Variants in PIK3C3 observed in about 807,000 individuals in gnomAD.
PIK3C3 encodes PI3-kinase type 3.
PIK3C3 carries 95 observed loss-of-function variants against 126.1 expected under a neutral mutation model. The observed-to-expected ratio is 0.75, with a 90% confidence interval of 0.64 to 0.89. PIK3C3 has a LOEUF of 0.89. PIK3C3 is among the 40% of genes least tolerant of loss of function. The pLI, the probability that PIK3C3 is intolerant of heterozygous loss-of-function variation, is 0.00. For missense variants in PIK3C3, 829 were observed against 1,063.2 expected, an observed-to-expected ratio of 0.78 and a Z score of 3.06; for synonymous variants, 374 against 360.0, an observed-to-expected ratio of 1.04 and a Z score of -0.44.
intron 4 of PIK3C3, among the ~76,000 whole-genome samples, chr18:41,973,383 A>G (rs1980762557): frequency 6.6e-6 from 1 of 152,112 alleles, no homozygotes; most frequent in Non-Finnish European, 1.5e-5. Context: ...CTTGCCTTAT[A>G]CTTGAGAAAA....
At chr18:42,008,830 G>A (rs1156920386) in intron 10 of PIK3C3, among the ~76,000 whole-genome samples, 2 of 152,104 alleles carry the variant, frequency 1.3e-5, no homozygotes. Flanking sequence ...ATGAAGGAAA[G>A]TATAGTTTGA....
intron 24 of PIK3C3, among the ~76,000 whole-genome samples, chr18:42,074,673 GTGTTT>G (rs1985908255): frequency 6.6e-6 from 1 of 151,988 alleles, no homozygotes; most frequent in Non-Finnish European, 1.5e-5. Flanking sequence ...TTTTATATGT[GTGTTT>G]TGTTTTTATA....
intron 3 of PIK3C3, among the ~76,000 whole-genome samples, chr18:41,969,190 A>G (rs1022500098): frequency 1.3e-5 from 2 of 152,054 alleles, no homozygotes; most frequent in Non-Finnish European, 2.9e-5. Flanking sequence ...CTGTCCATCT[A>G]CACACACTTC....
At chr18:42,002,860 A>T (rs1016409994) in intron 9 of PIK3C3, among the ~76,000 whole-genome samples, 2 of 152,174 alleles carry the variant, frequency 1.3e-5, no homozygotes, top group Admixed American at 6.6e-5. Context: ...AATATAGGAG[A>T]TATTGCTAGG....
rs1240737451 is a variant in PIK3C3 at position 41,990,556 on chromosome 18, T to C, written c.714+2T>C. 6.6e-7 allele frequency: 1 copy of C among 1,505,724 alleles called. No individual in the cohort carries two copies. Among genetic ancestry groups the C allele is most frequent in the Non-Finnish European group, 9.2e-7 (1 of 1,083,534 alleles). 93.3% of individuals were successfully genotyped at this position (1,505,724 alleles called of 1,614,324 possible). The stretch of plus-strand genomic sequence containing the variant: ...TATGGTATTGTTTATTATGAAAAGG[T>C]ATTTCCCTTGGAACTGTTTTTGGTC... On this transcript the variant is annotated splice_donor_variant, in intron 6 of 24. Coordinates refer to ENST00000262039, the MANE Select transcript of PIK3C3 (RefSeq NM_002647.4). LOFTEE classifies it high-confidence loss of function.
chr18:42,045,626 T>G (rs1984526802), intron 20 of PIK3C3, among the ~76,000 whole-genome samples: 1 of 152,204 alleles, frequency 6.6e-6, no homozygotes, highest in Non-Finnish European at 1.5e-5. Context: ...GGGAAGCTGG[T>G]ACTATATCAG....
intron 6 of PIK3C3, among the ~76,000 whole-genome samples, chr18:41,991,636 A>C (rs1981783772): frequency 6.6e-6 from 1 of 152,162 alleles, no homozygotes; most frequent in African/African-American, 2.4e-5. Flanking sequence ...TACTTTTATA[A>C]ATTACTATTT....
At chr18:42,071,737 T>G (rs1282077803) in intron 24 of PIK3C3, among the ~76,000 whole-genome samples, 1 of 151,378 alleles carries the variant, frequency 6.6e-6, no homozygotes, top group Non-Finnish European at 1.5e-5. Context: ...AAAAAAAAAT[T>G]AATAAAATAA....
chr18:42,071,220 A>G (rs1985758390), intron 24 of PIK3C3, among the ~76,000 whole-genome samples: 1 of 152,232 alleles, frequency 6.6e-6, no homozygotes. Flanking sequence ...TGCAGCATGA[A>G]TATGTAGATG....
intron 10 of PIK3C3, among the ~76,000 whole-genome samples, chr18:42,009,335 T>C (rs1982693540): frequency 6.6e-6 from 1 of 152,206 alleles, no homozygotes; most frequent in South Asian, 2.1e-4. Context: ...AAGTCATATG[T>C]ATTACTCTTT....
At chr18:41,997,864 G>T (rs991012849) in intron 9 of PIK3C3, among the ~76,000 whole-genome samples, 1 of 152,096 alleles carries the variant, frequency 6.6e-6, no homozygotes, top group African/African-American at 2.4e-5. Context: ...GAATTATAGA[G>T]AAAACATTTT....
chr18:41,981,708 C>G (rs987902203), intron 4 of PIK3C3, among the ~76,000 whole-genome samples: 2 of 151,836 alleles, frequency 1.3e-5, no homozygotes, highest in Non-Finnish European at 1.5e-5. Flanking sequence ...ACCTGTAATC[C>G]CAGTACTTTG....
Position 42,010,229 on chromosome 18 carries a change from C to T in PIK3C3, c.1171-3213C>T, listed in dbSNP as rs568696618. Among the ~76,000 whole-genome samples, 11 of 152,290 alleles carry T rather than the reference C, an allele frequency of 7.2e-5. No individual in the cohort carries two copies. In the South Asian group the frequency reaches 1.9e-3, roughly 26 times the overall value. ...TCTCAAGAAACTACTCTTTGCTGCT[C>T]ATCCATAAGAAGCAACTCTTCATCT... On this transcript the variant is annotated intron_variant, in intron 10 of 24. Coordinates refer to ENST00000262039, the MANE Select transcript of PIK3C3 (RefSeq NM_002647.4).
chr18:42,046,205 T>A lies in PIK3C3; in HGVS notation c.2188+2388T>A, dbSNP rs1387344903. On this transcript the variant is annotated intron_variant, in intron 20 of 24. Transcript: ENST00000262039. ...CATTCCTCTGTAAGTGATTTAATGG[T>A]AGGCCTTCTCTTCATCTAGAAGAGC... 2.0e-5 allele frequency among the ~76,000 whole-genome samples: 3 copies of A among 152,354 alleles called. No homozygotes were observed. In the East Asian group the frequency reaches 5.8e-4, roughly 29 times the overall value.
intron 22 of PIK3C3, among the ~76,000 whole-genome samples, chr18:42,059,259 A>G (rs1021500646): frequency 1.3e-5 from 2 of 152,232 alleles, no homozygotes; most frequent in Non-Finnish European, 2.9e-5. Flanking sequence ...ACAAATGGCC[A>G]TGATATTTAT....
rs58697677 is a variant in PIK3C3 at position 42,084,585 on chromosome 18, C to CAAAAAAAAAAAA, written c.*3458_*3469dup. 8 of 96,706 alleles carry CAAAAAAAAAAAA rather than the reference C, an allele frequency of 8.3e-5. No individual in the cohort carries two copies. The highest frequency in any genetic ancestry group is 2.2e-4 in the Admixed American group (2 of 8,952). 6.0% of individuals were successfully genotyped at this position (96,706 alleles called of 1,614,324 possible). Reference sequence around the variant, plus strand: ...TAGTATAGAGTAGCTAAAAACAAACCAAAAAAAAAAAAAAAAAAAAAGGAA... The same window carrying CAAAAAAAAAAAA: ...TAGTATAGAGTAGCTAAAAACAAACCAAAAAAAAAAAAAAAAAAAAAAAAAAAAAAAAAGGAA... On this transcript the variant is annotated 3_prime_UTR_variant, in exon 25 of 25. Coordinates refer to ENST00000262039, the MANE Select transcript of PIK3C3 (RefSeq NM_002647.4).
intron 19 of PIK3C3, 131 bp from the exon 20 acceptor site, chr18:42,043,602 G>T (rs1984424694): frequency 5.4e-6 from 3 of 556,670 alleles, no homozygotes; most frequent in Non-Finnish European, 9.7e-6. Context: ...CTTTTGTTCA[G>T]TCAGCATCTC....
At chr18:41,989,905 G>C (rs761202196) in intron 5 of PIK3C3, among the ~76,000 whole-genome samples, 5 of 152,088 alleles carry the variant, frequency 3.3e-5, no homozygotes, top group Admixed American at 2.0e-4. Flanking sequence ...TATATTTAAA[G>C]TGTGGATAAA....
intron 13 of PIK3C3, 76 bp downstream of exon 13, chr18:42,020,781 A>G: frequency 1.2e-6 from 1 of 800,398 alleles, no homozygotes; most frequent in Non-Finnish European, 2.1e-6. Context: ...AAACACAAAG[A>G]TGATTTAAAA....
Sources: gnomAD v4.1 joint callset for allele counts (sites outside exome capture counted in the v4.1 genomes callset) on GRCh38, gnomAD v4.1.1 for gene constraint, MANE v1.5 for transcripts, NCBI Gene and HGNC (gene_info 2026-07-23, HGNC 2026-07-21) for gene names.